PIWIL2: variants seen among roughly 807,000 people sequenced by gnomAD.
PIWIL2 encodes piwi like RNA-mediated gene silencing 2.
PIWIL2 carries 81 observed loss-of-function variants against 116.5 expected under a neutral mutation model. The observed-to-expected ratio is 0.70, with a 90% CI of 0.58 to 0.84. The LOEUF (loss-of-function observed/expected upper bound fraction) is 0.84. Among genes scored for constraint, PIWIL2 ranks in the 40% least tolerant of loss-of-function variants. The pLI is 0.00. For missense variants in PIWIL2, 1,272 were observed against 1,212.3 expected (o/e 1.05, Z -0.73); for synonymous variants, 489 against 429.5 (o/e 1.14, Z -1.71).
intron 10 of PIWIL2, among the ~76,000 whole-genome samples, chr8:22,297,248 C>T (rs1031446493): frequency 7.2e-5 from 11 of 152,232 alleles, no homozygotes; most frequent in Middle Eastern, 3.4e-3. Context: ...CCTCAGCCTC[C>T]GAAAGTGCTG....
intron 2 of PIWIL2, among the ~76,000 whole-genome samples, chr8:22,280,270 A>G (rs540760090): frequency 5.3e-5 from 8 of 152,172 alleles, no homozygotes; most frequent in African/African-American, 1.9e-4. Flanking sequence ...TCTGCCTCTG[A>G]GGTAATAATA....
At chr8:22,346,708 T>C (rs1392387707) in intron 20 of PIWIL2, among the ~76,000 whole-genome samples, 1 of 152,182 alleles carries the variant, frequency 6.6e-6, no homozygotes, top group Non-Finnish European at 1.5e-5. Flanking sequence ...TGTCAATAAT[T>C]AGCATATTAG....
At chr8:22,322,869 G>A (rs1464284191) in intron 20 of PIWIL2, among the ~76,000 whole-genome samples, 1 of 152,130 alleles carries the variant, frequency 6.6e-6, no homozygotes, top group African/African-American at 2.4e-5. Flanking sequence ...ATTATCTCAG[G>A]TTGTGATTAC....
At position 22,287,581 on chromosome 8, in the gene PIWIL2, C is replaced by G. The variant is rs1830658018; in HGVS notation, c.797C>G (p.Ala266Gly). 3 of 1,613,944 alleles carry G rather than the reference C, an allele frequency of 1.9e-6. No homozygotes were observed. In the East Asian group the frequency reaches 6.7e-5, roughly 36 times the overall value. ...TTCGGCATGTTGAAGGACCATCAAG[C>G]TGTCACCGGCAACGTCACTGCGTTT... ...MRFGMLKDHQ[A>G]VTGNVTAFDG... The change falls in exon 7 of 23, where the codon GCT (alanine) becomes GGT (glycine). Residue 266 changes from alanine to glycine, a missense_variant. Transcript: ENST00000356766.
chr8:22,277,731 A>G (rs1830409991), intron 1 of PIWIL2, among the ~76,000 whole-genome samples: 2 of 152,222 alleles, frequency 1.3e-5, no homozygotes, highest in South Asian at 2.1e-4. Context: ...AGAAGCAGCT[A>G]AACAGATCAA....
intron 10 of PIWIL2, among the ~76,000 whole-genome samples, chr8:22,295,922 C>T (rs1294050979): frequency 2.6e-5 from 4 of 151,788 alleles, no homozygotes; most frequent in Admixed American, 1.3e-4. Flanking sequence ...AATTCAATAC[C>T]ATCTTAGAAA....
At chr8:22,323,389 G>A (rs527333530) in intron 20 of PIWIL2, among the ~76,000 whole-genome samples, 3 of 151,814 alleles carry the variant, frequency 2.0e-5, no homozygotes, top group Admixed American at 1.3e-4. Context: ...CTCGTGATCC[G>A]CCGGCCTCAG....
chr8:22,316,174 C>T, intron 18 of PIWIL2, 71 bp from the exon 19 acceptor site: 1 of 888,772 alleles, frequency 1.1e-6, no homozygotes, highest in Admixed American at 1.8e-5. Flanking sequence ...GGGATTCAGA[C>T]AGTAATTAAA....
intron 2 of PIWIL2, 60 bp from the exon 3 acceptor site, chr8:22,281,060 A>T (rs1830487412): frequency 1.1e-6 from 1 of 929,018 alleles, no homozygotes; most frequent in Admixed American, 2.4e-5. Flanking sequence ...AGACTAAGAA[A>T]GCCCTTGTTT....
At chr8:22,351,861 A>G (rs1183219846) in intron 20 of PIWIL2, among the ~76,000 whole-genome samples, 1 of 151,724 alleles carries the variant, frequency 6.6e-6, no homozygotes, top group Admixed American at 6.6e-5. Context: ...TTTTGAGGGT[A>G]AGTATGAACA....
At chr8:22,294,712 C>T (rs1022089236) in intron 10 of PIWIL2, among the ~76,000 whole-genome samples, 1 of 147,804 alleles carries the variant, frequency 6.8e-6, no homozygotes, top group Non-Finnish European at 1.5e-5. Context: ...ACTAGGGAGA[C>T]TGTTCAATGA....
At chr8:22,284,325 A>C (rs1314647610) in intron 6 of PIWIL2, 53 bp downstream of exon 6, 6 of 907,610 alleles carry the variant, frequency 6.6e-6, no homozygotes, top group Non-Finnish European at 1.0e-5. Context: ...AGTAAAAAAA[A>C]TAGTTCCCCT....
chr8:22,345,668 A>C (rs1832210457), intron 20 of PIWIL2, among the ~76,000 whole-genome samples: 1 of 152,154 alleles, frequency 6.6e-6, no homozygotes, highest in African/African-American at 2.4e-5. Flanking sequence ...TGTCTCAAAA[A>C]TATAATGAAA....
intron 20 of PIWIL2, among the ~76,000 whole-genome samples, chr8:22,331,799 C>T (rs1831868071): frequency 1.3e-5 from 2 of 151,984 alleles, no homozygotes; most frequent in Non-Finnish European, 1.5e-5. Flanking sequence ...ATCTCCTCTT[C>T]TTATGAGGAC....
At chr8:22,344,897 T>G (rs532710399) in intron 20 of PIWIL2, among the ~76,000 whole-genome samples, 1 of 152,216 alleles carries the variant, frequency 6.6e-6, no homozygotes, top group East Asian at 1.9e-4. Flanking sequence ...AAATAAAATT[T>G]AAAAGACAAG....
At chr8:22,334,487 A>G (rs1831934280) in intron 20 of PIWIL2, among the ~76,000 whole-genome samples, 1 of 149,756 alleles carries the variant, frequency 6.7e-6, no homozygotes, top group Admixed American at 6.7e-5. Context: ...TTGCCACTGC[A>G]CTCCAGCCTG....
intron 20 of PIWIL2, among the ~76,000 whole-genome samples, chr8:22,318,943 C>A (rs971087632): frequency 1.3e-5 from 2 of 152,182 alleles, no homozygotes; most frequent in African/African-American, 4.8e-5. Flanking sequence ...ACTTATTAGG[C>A]GCTGGCTCTT....
chr8:22,323,102 C>T (rs936171848), intron 20 of PIWIL2, among the ~76,000 whole-genome samples: 3 of 141,760 alleles, frequency 2.1e-5, no homozygotes, highest in East Asian at 2.3e-4. Context: ...TCAGTAGAGA[C>T]GGGGTTTCAC....
In PIWIL2 at chr8:22,318,172, C is replaced by T; in HGVS notation, c.2300C>T (p.Thr767Ile). 1.2e-6 allele frequency: 2 copies of T among 1,604,706 alleles called. No individual in the cohort carries two copies. The highest frequency in any genetic ancestry group is 1.7e-6 in the Non-Finnish European group (2 of 1,171,574). The change falls in exon 20 of 23, where the codon ACC becomes ATC. Residue 767 changes from threonine to isoleucine, a missense_variant and splice_region_variant. By Grantham distance (89) the Thr-to-Ile change is moderately conservative. Coordinates refer to ENST00000356766, the MANE Select transcript of PIWIL2 (RefSeq NM_018068.5). ...CTCTCTGCTCACCCTGACCCTAGCA[C>T]CCTCACAAAATGGTATTCCCGGGTG... ...VVGFVASINL[T>I]LTKWYSRVVF... is the part of the protein sequence containing the mutation.
Sources: gnomAD v4.1 joint callset for allele counts (sites outside exome capture counted in the v4.1 genomes callset) on GRCh38, gnomAD v4.1.1 for gene constraint, MANE v1.5 for transcripts, NCBI Gene and HGNC (gene_info 2026-07-23, HGNC 2026-07-21) for gene names.